The following KIAA1217 variants were observed in gnomAD, a reference collection of about 807,000 sequenced individuals.
KIAA1217 encodes the protein KIAA1217.
A neutral mutation model predicts 163.9 loss-of-function variants in KIAA1217; 88 were observed. That is an observed-to-expected ratio of 0.54 (90% CI 0.45 to 0.64). KIAA1217 has a LOEUF of 0.64. Ranked by LOEUF, KIAA1217 falls within the 30% of genes least tolerant of loss-of-function variation. The pLI is 0.00. For synonymous variants in KIAA1217, 903 were observed against 923.1 expected (o/e 0.98, Z 0.39); for missense variants, 2,372 against 2,475.0 (o/e 0.96, Z 0.88).
chr10:24,494,695 G>T (rs550878878), intron 7 of KIAA1217, 91 bp downstream of exon 7: 1 of 949,556 alleles, frequency 1.1e-6, no homozygotes, highest in East Asian at 2.6e-5. Flanking sequence ...CTGTTTTCTT[G>T]TAATCATTTC....
Position 24,543,871 on chromosome 10 carries a change from G to T in KIAA1217, c.4601G>T (p.Gly1534Val). The part of the protein sequence containing the change: ...HSLATETRNP[G>V]GQEMNRTELN... ...CTGGCCACAGAGACCAGAAACCCAGGAGGACAGGAAATGAACAGAACGGAG... is the reference window on the plus strand; with the variant it reads ...CTGGCCACAGAGACCAGAAACCCAGTAGGACAGGAAATGAACAGAACGGAG... The change falls in exon 19 of 21, where the codon GGA (glycine) becomes GTA (valine). Residue 1534 changes from glycine (G) to valine (V), a missense_variant. Around this residue, in one of 3 missense-constraint regions of KIAA1217, gnomAD observed 690 missense variants for 677.5 expected, o/e 1.02. Coordinates refer to ENST00000376454, the MANE Select transcript of KIAA1217 (RefSeq NM_019590.5). 1 of 1,614,048 alleles carries T rather than the reference G, an allele frequency of 6.2e-7. No homozygotes were observed. The highest frequency in any genetic ancestry group is 8.5e-7 in the Non-Finnish European group (1 of 1,180,022).
chr10:24,528,159 T>A (rs767304701), intron 14 of KIAA1217, 40 bp downstream of exon 14: 2 of 1,590,514 alleles, frequency 1.3e-6, no homozygotes, highest in Non-Finnish European at 1.7e-6. Context: ...TGGAGGTACA[T>A]GGCTTTGGGC....
intron 6 of KIAA1217, among the ~76,000 whole-genome samples, chr10:24,489,936 C>T (rs927329430): frequency 6.3e-5 from 9 of 142,700 alleles, no homozygotes; most frequent in Non-Finnish European, 1.1e-4. Context: ...AACACAGATT[C>T]TTTTTTTTCC....
intron 2 of KIAA1217, among the ~76,000 whole-genome samples, chr10:24,186,873 G>C (rs374267772): frequency 2.0e-5 from 3 of 152,260 alleles, no homozygotes; most frequent in African/African-American, 7.2e-5. Flanking sequence ...CTGGGTGACA[G>C]AGTGAGACTC....
chr10:23,996,543 G>T (rs1164761857), intron 1 of KIAA1217, among the ~76,000 whole-genome samples: 1 of 151,920 alleles, frequency 6.6e-6, no homozygotes. Context: ...GTAAATGTTC[G>T]CTGAAAGAAT....
chr10:24,280,849 T>TCAA lies in KIAA1217; in HGVS notation c.354+60942_354+60944dup, dbSNP rs374904036. On this transcript the variant is annotated intron_variant, in intron 2 of 20. Coordinates refer to ENST00000376454, the MANE Select transcript of KIAA1217 (RefSeq NM_019590.5). ...AAAGAATAAACCTAATTATACTTCT[T>TCAA]CAACTTAAGATGGACATTTCTCTAC... 1.3e-3 allele frequency among the ~76,000 whole-genome samples: 201 copies of TCAA among 152,144 alleles called. 3 individuals are homozygous for TCAA. The highest frequency in any genetic ancestry group is 4.3e-3 in the African/African-American group (180 of 41,508).
At chr10:24,493,466 C>T (rs528374595) in intron 6 of KIAA1217, among the ~76,000 whole-genome samples, 71 of 152,346 alleles carry the variant, frequency 4.7e-4, no homozygotes, top group African/African-American at 1.7e-3. Flanking sequence ...TATTCACTTA[C>T]TCGTATTGTT....
chr10:24,462,903 C>A (rs924720989), intron 5 of KIAA1217, among the ~76,000 whole-genome samples: 2 of 152,016 alleles, frequency 1.3e-5, no homozygotes, highest in East Asian at 1.9e-4. Flanking sequence ...AGTTGGGTGC[C>A]GCAGATAACT....
At chr10:24,532,331 C>T (rs747287512) in intron 15 of KIAA1217, among the ~76,000 whole-genome samples, 39 of 152,244 alleles carry the variant, frequency 2.6e-4, no homozygotes, top group Middle Eastern at 3.4e-3. Context: ...GAGCTGACAC[C>T]GTTGTGGGAG....
At chr10:23,740,764 A>G (rs1023689127) in intron 1 of KIAA1217, among the ~76,000 whole-genome samples, 1 of 150,888 alleles carries the variant, frequency 6.6e-6, no homozygotes, top group Non-Finnish European at 1.5e-5. Context: ...TAAAGGTTGT[A>G]TGTAGGTTGA....
intron 2 of KIAA1217, among the ~76,000 whole-genome samples, chr10:24,145,929 T>A (rs1564753032): frequency 6.6e-6 from 1 of 152,194 alleles, no homozygotes; most frequent in Admixed American, 6.5e-5. Flanking sequence ...TTGAGGGTGG[T>A]TCTGCCTCTC....
At chr10:23,843,612 G>A (rs1838888912) in intron 1 of KIAA1217, among the ~76,000 whole-genome samples, 1 of 152,106 alleles carries the variant, frequency 6.6e-6, no homozygotes. Context: ...ACTTGGAATG[G>A]CTAATTTCAG....
chr10:23,791,586 A>G (rs915496614), intron 1 of KIAA1217, among the ~76,000 whole-genome samples: 1 of 152,236 alleles, frequency 6.6e-6, no homozygotes, highest in Non-Finnish European at 1.5e-5. Context: ...TCATGAGCAT[A>G]GCATTGCTTT....
chr10:24,024,646 G>C (rs935293893), intron 2 of KIAA1217, among the ~76,000 whole-genome samples: 1 of 151,634 alleles, frequency 6.6e-6, no homozygotes, highest in African/African-American at 2.4e-5. Context: ...CTGCTAACCT[G>C]TTTAAAAGGT....
At chr10:23,846,487 G>T (rs565735326) in intron 1 of KIAA1217, among the ~76,000 whole-genome samples, 32 of 152,122 alleles carry the variant, frequency 2.1e-4, no homozygotes, top group Admixed American at 9.2e-4. Context: ...TATTCTCTTT[G>T]TAGTAATTGT....
chr10:24,275,323 C>T lies in KIAA1217; in HGVS notation c.354+55414C>T, dbSNP rs557949627. Among the ~76,000 whole-genome samples, 15 of 152,262 alleles carry T rather than the reference C, an allele frequency of 9.9e-5. No homozygotes were observed. The South Asian group carries it at 2.1e-3, about 21-fold the overall frequency. ...GTGAAGTCACTCACACACACATACA[C>T]GCATGCAGGTGCACACACAGACACA... On this transcript the variant is annotated intron_variant, in intron 2 of 20. Transcript: ENST00000376454.
intron 3 of KIAA1217, among the ~76,000 whole-genome samples, chr10:24,383,880 G>A (rs2053644452): frequency 2.0e-5 from 3 of 152,216 alleles, no homozygotes; most frequent in African/African-American, 7.2e-5. Flanking sequence ...AAATAAAAAG[G>A]AAAATGTGAC....
intron 2 of KIAA1217, among the ~76,000 whole-genome samples, chr10:24,123,548 G>C (rs1057245034): frequency 1.3e-5 from 2 of 152,096 alleles, no homozygotes; most frequent in African/African-American, 4.8e-5. Context: ...TGTTTTACTA[G>C]ATGTTGTTAA....
chr10:24,244,531 A>G (rs1430041955), intron 2 of KIAA1217, among the ~76,000 whole-genome samples: 2 of 145,634 alleles, frequency 1.4e-5, no homozygotes. Context: ...ATCCTTGGGC[A>G]TTAATTGGGC....
Sources: gnomAD v4.1 joint callset for allele counts (sites outside exome capture counted in the v4.1 genomes callset) on GRCh38, gnomAD v4.1.1 for gene constraint, gnomAD v4.1.1 regional missense constraint, MANE v1.5 for transcripts, NCBI Gene and HGNC (gene_info 2026-07-23, HGNC 2026-07-21) for gene names.